EVC2: variants seen among roughly 807,000 people sequenced by gnomAD.
EVC2 encodes limbin.
Under a neutral mutation model 149.3 loss-of-function variants are expected in EVC2, and 148 were observed. The ratio of observed to expected loss-of-function variants is 0.99; its 90% CI spans 0.87 to 1.14. EVC2 has a LOEUF of 1.14. EVC2 is among the 50% of genes most tolerant of loss of function. The pLI is 0.00. For missense variants in EVC2, 1,854 were observed against 1,627.3 expected, an observed-to-expected ratio of 1.14 and a Z score of -2.40; for synonymous variants, 776 against 649.9, an observed-to-expected ratio of 1.19 and a Z score of -2.95.
rs571427755 is a variant in EVC2, at chr4:5,595,728, T to C, written c.2830-10878A>G. 2.8e-4 allele frequency among the ~76,000 whole-genome samples: 42 copies of C among 152,262 alleles called. No individual in the cohort carries two copies. In the South Asian group the frequency reaches 7.9e-3, roughly 29 times the overall value. On this transcript the variant is annotated intron_variant, in intron 16 of 21. Coordinates refer to ENST00000344408, the MANE Select transcript of EVC2 (RefSeq NM_147127.5). ...AATTCACACATAACAATATTAACTTTAAATGTAAATGGACTAAATACTCCA... is the reference window on the plus strand; with the variant it reads ...AATTCACACATAACAATATTAACTTCAAATGTAAATGGACTAAATACTCCA...
chr4:5,541,159 A>C (rs1284740909), downstream of EVC2, among the ~76,000 whole-genome samples: 1 of 152,254 alleles, frequency 6.6e-6, no homozygotes, highest in Non-Finnish European at 1.5e-5. Flanking sequence ...CAGGGTAGGC[A>C]AAAAAGAGAA....
the EVC2 span, among the ~76,000 whole-genome samples, chr4:5,532,247 C>T: frequency 6.6e-6 from 1 of 152,088 alleles, no homozygotes; most frequent in African/African-American, 2.4e-5. Flanking sequence ...TGGACAAAAT[C>T]CCACTTGCTT....
intron 14 of EVC2, among the ~76,000 whole-genome samples, chr4:5,621,881 T>C (rs1219271861): frequency 1.3e-5 from 2 of 152,154 alleles, no homozygotes; most frequent in Admixed American, 1.3e-4. Flanking sequence ...ATATCCATTA[T>C]TTTCTAGTTA....
At position 5,686,095 on chromosome 4, in the gene EVC2, T is replaced by A. The variant is rs13118196; in HGVS notation, c.707-616A>T. On this transcript the variant is annotated intron_variant, in intron 5 of 21. Transcript: ENST00000344408. This position sits in a 1 kb window ranked among gnomAD's most constrained non-coding sequence, Gnocchi z 5.4. Reference sequence around the variant, plus strand: ...AACATATATACACACACATATATATTACACACACACACACACACACACACA... The same window carrying A: ...AACATATATACACACACATATATATAACACACACACACACACACACACACA... 0.076 allele frequency among the ~76,000 whole-genome samples: 992 copies of A among 13,038 alleles called. 5 individuals are homozygous for A. Among genetic ancestry groups the A allele is most frequent in the Middle Eastern group, 0.083 (2 of 24 alleles). The allele number at this position is 13,038 out of a possible 152,430, so 8.6% of individuals were successfully genotyped here. A position where few individuals can be genotyped will look rare whatever the true frequency, so the allele number is the denominator to read the frequency against.
chr4:5,574,796 T>C (rs1722821262), intron 18 of EVC2, 24 bp from the exon 19 acceptor site: 1 of 1,609,524 alleles, frequency 6.2e-7, no homozygotes, highest in East Asian at 2.2e-5. Flanking sequence ...AAAATATACG[T>C]AAGTTCAGTT....
chr4:5,587,750 C>A (rs1021286553), intron 16 of EVC2, among the ~76,000 whole-genome samples: 2 of 152,072 alleles, frequency 1.3e-5, no homozygotes, highest in African/African-American at 2.4e-5. Context: ...GTGAGAGGGT[C>A]GTGATTGAGC....
At chr4:5,690,517 G>A (rs1721050616) in intron 4 of EVC2, among the ~76,000 whole-genome samples, 1 of 152,008 alleles carries the variant, frequency 6.6e-6, no homozygotes, top group African/African-American at 2.4e-5. Flanking sequence ...ACCTCTGGAG[G>A]GGCTAGAGAA....
At chr4:5,552,810 G>A (rs1415818558) in intron 21 of EVC2, among the ~76,000 whole-genome samples, 3 of 152,202 alleles carry the variant, frequency 2.0e-5, no homozygotes, top group Admixed American at 6.5e-5. Context: ...AGAGGAAGCC[G>A]AGGTAGAGAG....
intron 8 of EVC2, among the ~76,000 whole-genome samples, chr4:5,664,776 C>T (rs1011890967): frequency 2.0e-5 from 3 of 152,186 alleles, no homozygotes; most frequent in Non-Finnish European, 4.4e-5. Context: ...CTTTACCAGA[C>T]ACCTTCCCTT....
chr4:5,576,464 G>T lies in EVC2; in HGVS notation c.3058-10C>A, dbSNP rs776365928. ...CCAACTCCTGGAGCTCCTACACAAG[G>T]AAGGGGCAGAGGGTAAGCACCACTG... On this transcript the variant is annotated splice_polypyrimidine_tract_variant and intron_variant, in intron 17 of 21. Coordinates refer to ENST00000344408, the MANE Select transcript of EVC2 (RefSeq NM_147127.5). The surrounding 1 kb of genome is among the most constrained non-coding windows in gnomAD (Gnocchi z 4.5). 1 of 1,577,948 alleles carries T rather than the reference G, an allele frequency of 6.3e-7. No individual in the cohort carries two copies. Among genetic ancestry groups the T allele is most frequent in the South Asian group, 1.1e-5 (1 of 87,606 alleles).
At chr4:5,708,258 C>T (rs1722341855) in intron 1 of EVC2, 28 bp downstream of exon 1, 2 of 1,469,246 alleles carry the variant, frequency 1.4e-6, no homozygotes, top group Non-Finnish European at 9.0e-7. Context: ...TACAGTCAGA[C>T]CGGAGCCTGG....
intron 9 of EVC2, among the ~76,000 whole-genome samples, chr4:5,645,599 T>C (rs771121955): frequency 1.2e-4 from 18 of 152,246 alleles, no homozygotes; most frequent in Non-Finnish European, 2.5e-4. Context: ...TCTCACTCTT[T>C]TTTAACGGCT....
intron 16 of EVC2, among the ~76,000 whole-genome samples, chr4:5,592,637 G>A (rs1275447931): frequency 6.6e-6 from 1 of 152,226 alleles, no homozygotes; most frequent in Non-Finnish European, 1.5e-5. Context: ...TAAGAACTCA[G>A]GAGTTGGGCA....
chr4:5,601,644 T>C (rs1314260694), intron 16 of EVC2, among the ~76,000 whole-genome samples: 1 of 152,172 alleles, frequency 6.6e-6, no homozygotes, highest in Non-Finnish European at 1.5e-5. Flanking sequence ...ACTTCTAGAT[T>C]GGTCAAACTA....
chr4:5,550,741 C>A (rs1721720361), intron 21 of EVC2, among the ~76,000 whole-genome samples: 1 of 152,232 alleles, frequency 6.6e-6, no homozygotes, highest in Non-Finnish European at 1.5e-5. Flanking sequence ...TTCACAGCAG[C>A]CCCTACCATC....
At position 5,584,309 on chromosome 4, in the gene EVC2, T is replaced by C. The variant is rs187102852; in HGVS notation, c.3057+314A>G. Among the ~76,000 whole-genome samples the C allele has an allele frequency of 1.9e-3, 292 of 152,312 alleles. No homozygotes were observed. In the Middle Eastern group the frequency reaches 0.024, roughly 12 times the overall value. On this transcript the variant is annotated intron_variant, in intron 17 of 21. Transcript: ENST00000344408. ...CAGTACACTGTTGCATTTAGGATGC[T>C]GCTAATAGGAAGATACACTGTTGTC...
At chr4:5,546,322 C>G (rs1218020008) in intron 21 of EVC2, among the ~76,000 whole-genome samples, 1 of 152,122 alleles carries the variant, frequency 6.6e-6, no homozygotes, top group Admixed American at 6.6e-5. Context: ...CCTAAATGTC[C>G]AACAACGATA....
At chr4:5,589,574 T>G (rs896477205) in intron 16 of EVC2, among the ~76,000 whole-genome samples, 1 of 152,176 alleles carries the variant, frequency 6.6e-6, no homozygotes, top group Non-Finnish European at 1.5e-5. Flanking sequence ...GGGTCTACCC[T>G]AGTAGACCTG....
In EVC2 at chr4:5,685,372, G is replaced by A. The variant is rs114142742; in HGVS notation, c.814C>T (p.Arg272Trp). 8.7e-4 allele frequency: 1,399 copies of A among 1,614,074 alleles called. 7 individuals carry two copies. The African/African-American group carries it at 0.016, about 19-fold the overall frequency. ...GATTAAAGTAACAAAGGTCATACCCGTGACGAGCTCTGAAAGGTGAGTTGG... is the reference window on the plus strand; with the variant it reads ...GATTAAAGTAACAAAGGTCATACCCATGACGAGCTCTGAAAGGTGAGTTGG... ...PAQLTFQSSS[R>W]NRTQLKVLFS... The change falls in exon 6 of 22, where the codon CGG becomes TGG. Residue 272 changes from arginine to tryptophan, a missense_variant and splice_region_variant. Physicochemically the swap from Arg to Trp is moderately radical, Grantham distance 101. Coordinates refer to ENST00000344408, the MANE Select transcript of EVC2 (RefSeq NM_147127.5).
Sources: allele counts gnomAD v4.1 joint callset (sites outside exome capture counted in the v4.1 genomes callset), GRCh38; gene constraint gnomAD v4.1.1; non-coding constraint Gnocchi (gnomAD v3.1); transcripts MANE v1.5; gene names NCBI Gene and HGNC (gene_info 2026-07-23, HGNC 2026-07-21).